Variants in CUX2 observed in about 807,000 individuals in gnomAD.
The protein encoded by CUX2 is cut like homeobox 2.
Under a neutral mutation model 144.8 loss-of-function variants are expected in CUX2, and 40 were observed. The observed-to-expected ratio is 0.28, with a 90% CI of 0.21 to 0.36. CUX2 has a LOEUF of 0.36. CUX2 is among the 10% of genes least tolerant of loss of function. CUX2 has a pLI of 1.00. For synonymous variants in CUX2, 827 were observed against 875.6 expected, an observed-to-expected ratio of 0.94 and a Z score of 0.98; for missense variants, 1,615 against 1,994.0, an observed-to-expected ratio of 0.81 and a Z score of 3.62.
At chr12:111,209,899 G>T (rs1052366869) in intron 1 of CUX2, among the ~76,000 whole-genome samples, 1 of 152,224 alleles carries the variant, frequency 6.6e-6, no homozygotes, top group Non-Finnish European at 1.5e-5. Flanking sequence ...TTGCAAATGG[G>T]CTGTTTATGA....
Position 111,320,372 on chromosome 12 carries a change from A to C in CUX2, c.2363A>C (p.His788Pro). 1 of 1,597,998 alleles carries C rather than the reference A, an allele frequency of 6.3e-7. No homozygotes were observed. Among genetic ancestry groups the C allele is most frequent in the Non-Finnish European group, 8.5e-7 (1 of 1,179,126 alleles). Residue 788 changes from histidine to proline, a missense_variant, in exon 17 of 22, where the codon CAC (histidine) becomes CCC (proline). Physicochemically the swap from His to Pro is moderately conservative, Grantham distance 77 (BLOSUM62 -2). Transcript: ENST00000261726. This position sits in a 1 kb window ranked among gnomAD's most constrained non-coding sequence, Gnocchi z 8.1. ...GGCGACGCCGGCTACTTCGACCACC[A>C]CTGGGCCTCCGACCGCGGCCTGCTC... ...EIGDAGYFDH[H>P]WASDRGLLSR...
At chr12:111,291,311 G>A (rs1381937254) in intron 4 of CUX2, 107 bp from the exon 5 acceptor site, 79 of 1,356,158 alleles carry the variant, frequency 5.8e-5, no homozygotes, top group Middle Eastern at 2.7e-4. Flanking sequence ...GTAAGCCAGC[G>A]GGGTGACTCC....
intron 16 of CUX2, among the ~76,000 whole-genome samples, chr12:111,314,639 TAAAAAAAAAA>T (rs954472479): frequency 6.0e-4 from 14 of 23,238 alleles, no homozygotes; most frequent in South Asian, 5.4e-3. Context: ...AAACTCAGTC[TAAAAAAAAAA>T]AAAAAAAAAA....
intron 4 of CUX2, among the ~76,000 whole-genome samples, chr12:111,265,859 TG>T (rs779719553): frequency 6.6e-6 from 1 of 152,078 alleles, no homozygotes; most frequent in Non-Finnish European, 1.5e-5. Flanking sequence ...TGTTTGAGGC[TG>T]GGGGCCTGTG....
rs1434874033 is a variant in CUX2, at chr12:111,037,701, A to AT, written c.63+3468dup. 6.6e-6 allele frequency among the ~76,000 whole-genome samples: 1 copy of AT among 152,018 alleles called. No individual in the cohort carries two copies. Among genetic ancestry groups the AT allele is most frequent in the Non-Finnish European group, 1.5e-5 (1 of 68,018 alleles). On this transcript the variant is annotated intron_variant, in intron 1 of 21. Transcript: ENST00000261726. The surrounding 1 kb of genome is among the most constrained non-coding windows in gnomAD (Gnocchi z 5.4). ...TTATGGTGAACATTACTAATGCAGT[A>AT]TTTTTTTATGGCTTTTCTGTGTATA...
At chr12:111,183,714 G>A (rs1166311770) in intron 1 of CUX2, among the ~76,000 whole-genome samples, 3 of 152,178 alleles carry the variant, frequency 2.0e-5, no homozygotes, top group African/African-American at 4.8e-5. Flanking sequence ...AGGTGACTGT[G>A]AGATAGAATG....
At chr12:111,108,414 T>G (rs1157558082) in intron 1 of CUX2, among the ~76,000 whole-genome samples, 1 of 152,272 alleles carries the variant, frequency 6.6e-6, no homozygotes, top group Admixed American at 6.5e-5. Context: ...AATTTTAGCA[T>G]GCATCGATGC....
At chr12:111,106,118 G>A (rs1288848318) in intron 1 of CUX2, among the ~76,000 whole-genome samples, 1 of 151,670 alleles carries the variant, frequency 6.6e-6, no homozygotes, top group African/African-American at 2.4e-5. Context: ...CCCCACCTCA[G>A]CCTCTCAAGT....
intron 3 of CUX2, among the ~76,000 whole-genome samples, chr12:111,228,546 C>T (rs938384802): frequency 1.3e-5 from 2 of 152,106 alleles, no homozygotes; most frequent in South Asian, 4.2e-4. Context: ...GCCTCAGCCT[C>T]CTGAGTAGCT....
chr12:111,203,562 A>G (rs986205986), intron 1 of CUX2, among the ~76,000 whole-genome samples: 1 of 151,884 alleles, frequency 6.6e-6, no homozygotes, highest in South Asian at 2.1e-4. Flanking sequence ...AAAAAAAAGA[A>G]AAAAAAGAAA....
chr12:111,243,327 A>G (rs1383740346), intron 3 of CUX2, among the ~76,000 whole-genome samples: 1 of 152,062 alleles, frequency 6.6e-6, no homozygotes, highest in South Asian at 2.1e-4. Flanking sequence ...GAAAAAAGGA[A>G]TCTCTTTTTA....
intron 1 of CUX2, among the ~76,000 whole-genome samples, chr12:111,213,221 C>G (rs1881329115): frequency 6.6e-6 from 1 of 152,152 alleles, no homozygotes; most frequent in Non-Finnish European, 1.5e-5. Context: ...GAAAAAAAGC[C>G]CATCTCGGGA....
At chr12:111,328,972 T>TCTCTCTCTCCCTCTCTCCCTCTCTCC (rs1198113973) in intron 18 of CUX2, among the ~76,000 whole-genome samples, 1 of 80,026 alleles carries the variant, frequency 1.2e-5, no homozygotes, top group East Asian at 1.7e-3. Context: ...TCTCTCTCTC[T>TCTCTCTCTCCCTCTCTCCCTCTCTCC]CTCCCCCTCT....
intron 14 of CUX2, 65 bp from the exon 15 acceptor site, chr12:111,309,976 T>A: frequency 8.0e-7 from 1 of 1,249,318 alleles, no homozygotes. Flanking sequence ...TTTCTCCCTG[T>A]CTCTCTCTCC....
At chr12:111,041,235 T>A (rs1404175386) in intron 1 of CUX2, among the ~76,000 whole-genome samples, 4 of 152,218 alleles carry the variant, frequency 2.6e-5, no homozygotes, top group Admixed American at 2.6e-4. Context: ...TCAAACCACT[T>A]TGAACATGAA....
intron 3 of CUX2, among the ~76,000 whole-genome samples, chr12:111,226,155 G>C (rs1882130491): frequency 6.6e-6 from 1 of 152,172 alleles, no homozygotes; most frequent in African/African-American, 2.4e-5. Context: ...TGTTGGCCAG[G>C]CTGGTCTCGA....
chr12:111,127,363 C>A (rs1415517202), intron 1 of CUX2, among the ~76,000 whole-genome samples: 1 of 152,216 alleles, frequency 6.6e-6, no homozygotes, highest in Non-Finnish European at 1.5e-5. Flanking sequence ...TTTCCATTGA[C>A]CTTAGTTTGT....
chr12:111,100,877 G>C (rs1174051542), intron 1 of CUX2, among the ~76,000 whole-genome samples: 6 of 152,170 alleles, frequency 3.9e-5, no homozygotes, highest in Admixed American at 3.3e-4. Context: ...CCCCAGTAGA[G>C]CCCTCCCTGG....
intron 1 of CUX2, among the ~76,000 whole-genome samples, chr12:111,183,639 C>T (rs572206723): frequency 6.6e-6 from 1 of 152,340 alleles, no homozygotes; most frequent in Admixed American, 6.5e-5. Context: ...GGGCAAGTGA[C>T]TAAACCTCTC....
Sources: allele counts gnomAD v4.1 joint callset (sites outside exome capture counted in the v4.1 genomes callset), GRCh38; gene constraint gnomAD v4.1.1; non-coding constraint Gnocchi (gnomAD v3.1); transcripts MANE v1.5; gene names NCBI Gene and HGNC (gene_info 2026-07-23, HGNC 2026-07-21).